Variants in TNNI3K observed in about 807,000 individuals in gnomAD.
The protein encoded by TNNI3K is TNNI3 interacting kinase, also known as serine/threonine-protein kinase TNNI3K.
A neutral mutation model predicts 114.5 loss-of-function variants in TNNI3K; 140 were observed. That is an observed-to-expected ratio of 1.22 (90% CI 1.07 to 1.41). The LOEUF (loss-of-function observed/expected upper bound fraction) is 1.41. Ranked by LOEUF, TNNI3K falls within the 40% of genes most tolerant of loss-of-function variation. The probability of loss-of-function intolerance (pLI) is 0.00; values close to 1 mark genes in which losing one functional copy is unlikely to be tolerated. For synonymous variants in TNNI3K, 347 were observed against 347.5 expected (o/e 1.00, Z 0.02); for missense variants, 1,125 against 1,007.6 (o/e 1.12, Z -1.58).
intron 23 of TNNI3K, among the ~76,000 whole-genome samples, chr1:74,527,623 A>T (rs545100206): frequency 5.7e-4 from 87 of 152,328 alleles, no homozygotes; most frequent in African/African-American, 1.8e-3. Flanking sequence ...AGGCCAGGTC[A>T]TGAGGGCTTT....
intron 17 of TNNI3K, chr1:74,375,609 C>T: frequency 2.2e-6 from 1 of 455,210 alleles, no homozygotes; most frequent in Non-Finnish European, 4.4e-6. Context: ...GACTGATAAA[C>T]TGGGTCATCT....
At chr1:74,494,632 T>C (rs553592952) in intron 23 of TNNI3K, among the ~76,000 whole-genome samples, 1 of 152,340 alleles carries the variant, frequency 6.6e-6, no homozygotes, top group African/African-American at 2.4e-5. Context: ...TAAAGCACAG[T>C]CACCTGAGGT....
At chr1:74,362,180 G>T (rs1417486427) in intron 11 of TNNI3K, among the ~76,000 whole-genome samples, 1 of 152,140 alleles carries the variant, frequency 6.6e-6, no homozygotes, top group Non-Finnish European at 1.5e-5. Context: ...GCCACCCTCT[G>T]ATTCCACTTT....
intron 24 of TNNI3K, 126 bp downstream of exon 24, chr1:74,540,439 A>G: frequency 1.1e-6 from 1 of 898,552 alleles, no homozygotes; most frequent in Non-Finnish European, 1.6e-6. Flanking sequence ...TAAAAATATA[A>G]AAGTATAAAA....
At chr1:74,295,234 A>C (rs1657912641) in intron 5 of TNNI3K, among the ~76,000 whole-genome samples, 1 of 151,976 alleles carries the variant, frequency 6.6e-6, no homozygotes, top group South Asian at 2.1e-4. Flanking sequence ...TATAGTTTGT[A>C]TTATTGCAAT....
chr1:74,325,142 C>T (rs568822054), intron 5 of TNNI3K, among the ~76,000 whole-genome samples: 40 of 152,202 alleles, frequency 2.6e-4, no homozygotes, highest in Middle Eastern at 3.4e-3. Flanking sequence ...TTTGATCATC[C>T]GCATGCATGA....
At chr1:74,273,287 T>C (rs1028696958) in intron 5 of TNNI3K, among the ~76,000 whole-genome samples, 2 of 151,930 alleles carry the variant, frequency 1.3e-5, no homozygotes, top group African/African-American at 4.8e-5. Flanking sequence ...TGAGATTCAT[T>C]GTAAATATAG....
intron 5 of TNNI3K, among the ~76,000 whole-genome samples, chr1:74,310,749 T>C (rs753703326): frequency 2.0e-5 from 3 of 152,228 alleles, no homozygotes; most frequent in East Asian, 1.9e-4. Context: ...ACAACACTTG[T>C]AATGGATTAT....
chr1:74,285,078 A>C (rs893951211), intron 5 of TNNI3K, among the ~76,000 whole-genome samples: 1 of 152,172 alleles, frequency 6.6e-6, no homozygotes, highest in Non-Finnish European at 1.5e-5. Flanking sequence ...ATGTTCCTTC[A>C]CTGTTCTCTG....
rs75313934 is a variant in TNNI3K, at chr1:74,325,451, G to C, written c.445-5999G>C. Among the ~76,000 whole-genome samples the C allele has an allele frequency of 7.3e-3, 1,113 of 152,270 alleles. 16 individuals carry two copies. The highest frequency in any genetic ancestry group is 0.025 in the African/African-American group (1,038 of 41,552). The stretch of plus-strand genomic sequence containing the variant: ...TCTGGATCAACTACATTGAGGAACT[G>C]GGAAGAGGCAGAGAATTAGAAACTG... On this transcript the variant is annotated intron_variant, in intron 5 of 24. Transcript: ENST00000326637.
intron 5 of TNNI3K, among the ~76,000 whole-genome samples, chr1:74,290,440 A>T (rs932296722): frequency 2.6e-5 from 4 of 151,740 alleles, no homozygotes; most frequent in African/African-American, 9.7e-5. Flanking sequence ...AACCCAGGAA[A>T]TTCACTTCTA....
rs573560193 is a variant in TNNI3K, at chr1:74,319,910, G to T, written c.445-11540G>T. 2.2e-3 allele frequency among the ~76,000 whole-genome samples: 329 copies of T among 152,292 alleles called. 7 individuals carry two copies. In the South Asian group the frequency reaches 0.034, roughly 16 times the overall value. On this transcript the variant is annotated intron_variant, in intron 5 of 24. Transcript: ENST00000326637. ...CTTGGCTCCAAGAGCAATGGTTTTT[G>T]ACCATAGCATAGCATAGCAGTTTAG...
chr1:74,343,239 A>G lies in TNNI3K; in HGVS notation c.932+60A>G, dbSNP rs1197711455. 31 of 1,524,726 alleles carry G rather than the reference A, an allele frequency of 2.0e-5. 1 individual carries two copies. In the Admixed American group the frequency reaches 6.4e-4, roughly 32 times the overall value. 94.4% of individuals were successfully genotyped at this position (1,524,726 alleles called of 1,614,324 possible). A position where few individuals can be genotyped will look rare whatever the true frequency, so the allele number is the denominator to read the frequency against. On this transcript the variant is annotated intron_variant, in intron 9 of 24. Coordinates refer to ENST00000326637, the MANE Select transcript of TNNI3K (RefSeq NM_015978.3). Reference sequence around the variant, plus strand: ...TTAGCTGACACTCTAAAGCACCTGAAGTTGTGGGTATAAAGCAAGAACAAA... The same window carrying G: ...TTAGCTGACACTCTAAAGCACCTGAGGTTGTGGGTATAAAGCAAGAACAAA...
intron 17 of TNNI3K, among the ~76,000 whole-genome samples, chr1:74,432,630 G>A (rs1557562208): frequency 1.3e-5 from 2 of 152,040 alleles, no homozygotes. Context: ...GACTTTGCCT[G>A]CTTTACCTTG....
chr1:74,416,795 C>A (rs189316407), intron 17 of TNNI3K, among the ~76,000 whole-genome samples: 61 of 152,034 alleles, frequency 4.0e-4, no homozygotes, highest in African/African-American at 1.1e-3. Context: ...ATCTGGAATT[C>A]TTTTATACTA....
chr1:74,525,624 G>A (rs1646494178), intron 23 of TNNI3K, among the ~76,000 whole-genome samples: 1 of 152,190 alleles, frequency 6.6e-6, no homozygotes, highest in African/African-American at 2.4e-5. Context: ...ACAAAGCATG[G>A]CTCCTAGTCT....
At chr1:74,522,615 T>A (rs1277121621) in intron 23 of TNNI3K, among the ~76,000 whole-genome samples, 1 of 151,890 alleles carries the variant, frequency 6.6e-6, no homozygotes, top group Non-Finnish European at 1.5e-5. Flanking sequence ...TAAGTAGCTG[T>A]TTTTCTGGTC....
intron 17 of TNNI3K, chr1:74,373,000 T>G (rs1662694833): frequency 6.6e-6 from 1 of 151,812 alleles, no homozygotes; most frequent in Non-Finnish European, 1.5e-5. Flanking sequence ...CCCAAACTAT[T>G]GTATCAATTA....
chr1:74,342,785 A>C, intron 7 of TNNI3K, 57 bp from the exon 8 acceptor site: 3 of 1,596,466 alleles, frequency 1.9e-6, no homozygotes, highest in Non-Finnish European at 2.6e-6. Context: ...ATACATATGA[A>C]GGTTGAGAAA....
Sources: gnomAD v4.1 joint callset for allele counts (sites outside exome capture counted in the v4.1 genomes callset) on GRCh38, gnomAD v4.1.1 for gene constraint, MANE v1.5 for transcripts, NCBI Gene and HGNC (gene_info 2026-07-23, HGNC 2026-07-21) for gene names.